EXOC4: variants seen among roughly 807,000 people sequenced by gnomAD.
EXOC4 encodes SEC8-like 1.
EXOC4 carries 71 observed loss-of-function variants against 107.2 expected under a neutral mutation model. The ratio of observed to expected loss-of-function variants is 0.66; its 90% CI spans 0.55 to 0.81. The LOEUF is 0.81. EXOC4 is among the 30% of genes least tolerant of loss of function. The pLI, the probability that EXOC4 is intolerant of heterozygous loss-of-function variation, is 0.00. For missense variants in EXOC4, 1,108 were observed against 1,189.6 expected (o/e 0.93, Z 1.01); for synonymous variants, 456 against 441.2 (o/e 1.03, Z -0.42).
At chr7:133,254,071 A>G (rs1794956972) in intron 1 of EXOC4, 1 of 152,016 alleles carries the variant, frequency 6.6e-6, no homozygotes, top group African/African-American at 2.4e-5. Context: ...TTCCCCACCT[A>G]TACTAAACTT....
chr7:133,920,391 T>C (rs750890408), intron 13 of EXOC4, among the ~76,000 whole-genome samples: 2 of 152,232 alleles, frequency 1.3e-5, no homozygotes, highest in Non-Finnish European at 2.9e-5. Flanking sequence ...CAACATATTT[T>C]TGTGCTTTTC....
chr7:134,045,214 G>A (rs1795621348), intron 17 of EXOC4, among the ~76,000 whole-genome samples: 2 of 152,168 alleles, frequency 1.3e-5, no homozygotes, highest in African/African-American at 2.4e-5. Flanking sequence ...ATCATACGTA[G>A]AGTTGTTCCC....
In EXOC4 at chr7:133,446,782, T is replaced by A. The variant is rs1798231383; in HGVS notation, c.1183-28546T>A. Among the ~76,000 whole-genome samples, 3 of 152,244 alleles carry A rather than the reference T, an allele frequency of 2.0e-5. No homozygotes were observed. The South Asian group carries it at 6.2e-4, about 31-fold the overall frequency. On this transcript the variant is annotated intron_variant, in intron 7 of 17. Transcript: ENST00000253861. ...ATCCAGTAGTCACTGAGAGGACTAA[T>A]AACTACCGCTGCTTTTTTCACGAGT... is the stretch of plus-strand genomic sequence containing the variant.
intron 11 of EXOC4, among the ~76,000 whole-genome samples, chr7:133,853,392 ACACAC>A (rs1554409540): frequency 1.4e-5 from 2 of 139,430 alleles, no homozygotes; most frequent in African/African-American, 2.8e-5. Flanking sequence ...ACACACACAC[ACACAC>A]AACTTTTTAG....
intron 11 of EXOC4, among the ~76,000 whole-genome samples, chr7:133,847,110 A>C (rs1372167683): frequency 6.6e-6 from 1 of 152,194 alleles, no homozygotes; most frequent in African/African-American, 2.4e-5. Flanking sequence ...GGTAGTTAGC[A>C]TACCCATCAC....
At chr7:133,787,700 A>G (rs906118768) in intron 10 of EXOC4, among the ~76,000 whole-genome samples, 3 of 151,194 alleles carry the variant, frequency 2.0e-5, no homozygotes, top group African/African-American at 7.3e-5. Flanking sequence ...AGAGAGCAAG[A>G]GCAAGTTCCC....
chr7:134,051,629 G>A (rs373054696), intron 17 of EXOC4, among the ~76,000 whole-genome samples: 11 of 147,374 alleles, frequency 7.5e-5, no homozygotes, highest in East Asian at 2.0e-4. Flanking sequence ...CCGAGATCGC[G>A]CCGCTGCACT....
chr7:133,372,154 T>A (rs1407886886), intron 6 of EXOC4, among the ~76,000 whole-genome samples: 1 of 152,250 alleles, frequency 6.6e-6, no homozygotes, highest in Non-Finnish European at 1.5e-5. Flanking sequence ...TTTTCTCTCA[T>A]TTTATGTATT....
intron 1 of EXOC4, among the ~76,000 whole-genome samples, chr7:133,258,973 T>C (rs1795079695): frequency 6.6e-6 from 1 of 152,312 alleles, no homozygotes; most frequent in African/African-American, 2.4e-5. Flanking sequence ...TCTGTTGAGA[T>C]AATCCTTGTT....
chr7:133,278,085 G>A (rs1426328224), intron 2 of EXOC4, among the ~76,000 whole-genome samples: 1 of 152,094 alleles, frequency 6.6e-6, no homozygotes, highest in East Asian at 1.9e-4. Flanking sequence ...TTGAGTGCCC[G>A]CTATGTTGCT....
intron 3 of EXOC4, among the ~76,000 whole-genome samples, chr7:133,294,052 A>G (rs1053200994): frequency 6.6e-6 from 1 of 152,176 alleles, no homozygotes; most frequent in East Asian, 1.9e-4. Context: ...AAACCTCTGC[A>G]TTTAAATTGA....
At chr7:133,631,006 C>T (rs992886320) in intron 10 of EXOC4, among the ~76,000 whole-genome samples, 10 of 152,044 alleles carry the variant, frequency 6.6e-5, no homozygotes, top group East Asian at 1.9e-4. Context: ...TAACCATGTG[C>T]GCATAGTTAA....
At chr7:133,995,228 A>T (rs1794360209) in intron 14 of EXOC4, among the ~76,000 whole-genome samples, 1 of 152,236 alleles carries the variant, frequency 6.6e-6, no homozygotes, top group South Asian at 2.1e-4. Flanking sequence ...TGATAAAATA[A>T]TGTATTTACA....
chr7:133,714,722 G>T (rs1025797583), intron 10 of EXOC4, among the ~76,000 whole-genome samples: 5 of 152,134 alleles, frequency 3.3e-5, no homozygotes, highest in Non-Finnish European at 7.3e-5. Flanking sequence ...GAGGATGTGC[G>T]TAGGTTACAT....
At chr7:133,722,922 T>G (rs571502997) in intron 10 of EXOC4, among the ~76,000 whole-genome samples, 1 of 152,348 alleles carries the variant, frequency 6.6e-6, no homozygotes, top group South Asian at 2.1e-4. Flanking sequence ...TGTGCATTTA[T>G]TAAACTACTC....
intron 14 of EXOC4, among the ~76,000 whole-genome samples, chr7:133,946,499 G>T (rs909129980): frequency 6.6e-6 from 1 of 152,112 alleles, no homozygotes; most frequent in African/African-American, 2.4e-5. Flanking sequence ...AGGAACAAAA[G>T]CACCAACTGA....
At chr7:133,591,353 C>T (rs1225738175) in intron 9 of EXOC4, among the ~76,000 whole-genome samples, 3 of 152,182 alleles carry the variant, frequency 2.0e-5, no homozygotes, top group East Asian at 1.9e-4. Context: ...TTTTGATGTT[C>T]GTTCTTGCCT....
At chr7:133,673,569 A>T (rs1793992586) in intron 10 of EXOC4, among the ~76,000 whole-genome samples, 1 of 152,044 alleles carries the variant, frequency 6.6e-6, no homozygotes, top group African/African-American at 2.4e-5. Context: ...TGCATTTGGA[A>T]TTTCTCCTGC....
chr7:133,918,596 C>A (rs573766968), intron 13 of EXOC4, among the ~76,000 whole-genome samples: 1 of 152,288 alleles, frequency 6.6e-6, no homozygotes, highest in East Asian at 1.9e-4. Context: ...AAAGTAGAGT[C>A]TTTCTTTTAA....
Sources: gnomAD v4.1 joint callset for allele counts (sites outside exome capture counted in the v4.1 genomes callset) on GRCh38, gnomAD v4.1.1 for gene constraint, MANE v1.5 for transcripts, NCBI Gene and HGNC (gene_info 2026-07-23, HGNC 2026-07-21) for gene names.